Variants in DGKB observed in about 807,000 individuals in gnomAD.
DGKB encodes the protein diacylglycerol kinase beta.
In DGKB, 67 loss-of-function variants were observed where a neutral mutation model predicts 114.3. The observed-to-expected ratio is 0.59, with a 90% confidence interval of 0.48 to 0.72. The LOEUF is 0.72. Ranked by LOEUF, DGKB falls within the 30% of genes least tolerant of loss-of-function variation. The probability of loss-of-function intolerance (pLI) is 0.00; values close to 1 mark genes in which losing one functional copy is unlikely to be tolerated. For synonymous variants in DGKB, 398 were observed against 323.1 expected (o/e 1.23, Z -2.49); for missense variants, 907 against 975.2 (o/e 0.93, Z 0.93).
chr7:14,396,247 G>A (rs1034605060), intron 21 of DGKB, among the ~76,000 whole-genome samples: 3 of 151,906 alleles, frequency 2.0e-5, no homozygotes, highest in African/African-American at 7.3e-5. Flanking sequence ...TTGTTTATTT[G>A]ATACAACAAT....
chr7:14,198,735 C>T (rs777628683), intron 23 of DGKB, among the ~76,000 whole-genome samples: 1 of 151,912 alleles, frequency 6.6e-6, no homozygotes, highest in Non-Finnish European at 1.5e-5. Flanking sequence ...GTACTGGCCA[C>T]AGTGTATCCT....
At chr7:14,478,287 T>C in intron 20 of DGKB, 62 bp from the exon 21 acceptor site, 2 of 930,978 alleles carry the variant, frequency 2.1e-6, no homozygotes, top group East Asian at 2.8e-5. Flanking sequence ...TTTATGAAAA[T>C]GTAGACTAAA....
chr7:14,252,100 T>C (rs776510931), intron 23 of DGKB, among the ~76,000 whole-genome samples: 24 of 152,200 alleles, frequency 1.6e-4, no homozygotes, highest in Non-Finnish European at 2.6e-4. Flanking sequence ...TTTCTCTTGC[T>C]CTACTCATTC....
chr7:14,495,529 T>A (rs1040583747), intron 20 of DGKB, among the ~76,000 whole-genome samples: 4 of 151,382 alleles, frequency 2.6e-5, no homozygotes, highest in African/African-American at 9.7e-5. Context: ...AATTTCAGCA[T>A]TTAAAATCTA....
chr7:14,800,756 C>T (rs530849471), intron 2 of DGKB, among the ~76,000 whole-genome samples: 1 of 152,256 alleles, frequency 6.6e-6, no homozygotes, highest in African/African-American at 2.4e-5. Context: ...ACTTTTCATG[C>T]CTTTGAATCA....
intron 20 of DGKB, among the ~76,000 whole-genome samples, chr7:14,529,228 G>C (rs1379323500): frequency 1.3e-5 from 2 of 151,968 alleles, no homozygotes; most frequent in Admixed American, 1.3e-4. Flanking sequence ...GATGTAGGCT[G>C]AATGTAGAAA....
chr7:14,697,776 G>GAAACAA (rs781493498), intron 8 of DGKB, among the ~76,000 whole-genome samples: 4 of 100,776 alleles, frequency 4.0e-5, no homozygotes, highest in African/African-American at 1.6e-4. Context: ...AAGAAACAAA[G>GAAACAA]AGAAAGAAAG....
chr7:14,369,299 T>A (rs1162496808), intron 21 of DGKB, among the ~76,000 whole-genome samples: 1 of 152,194 alleles, frequency 6.6e-6, no homozygotes, highest in Non-Finnish European at 1.5e-5. Context: ...ATGGGCCATA[T>A]TTTCTTTATC....
chr7:14,380,474 A>G (rs1819258329), intron 21 of DGKB, among the ~76,000 whole-genome samples: 1 of 152,058 alleles, frequency 6.6e-6, no homozygotes, highest in Non-Finnish European at 1.5e-5. Flanking sequence ...TTTTGGCAAA[A>G]GTTCCATTTA....
chr7:14,223,387 G>A (rs1370641188), intron 23 of DGKB, among the ~76,000 whole-genome samples: 1 of 151,426 alleles, frequency 6.6e-6, no homozygotes, highest in East Asian at 1.9e-4. Flanking sequence ...ATATAGAACT[G>A]CTACTCCTAC....
intron 1 of DGKB, among the ~76,000 whole-genome samples, chr7:14,889,367 G>A (rs532700157): frequency 1.3e-4 from 20 of 151,750 alleles, no homozygotes; most frequent in African/African-American, 4.8e-4. Context: ...GGTTGTGTCA[G>A]GACTAAAGGG....
At chr7:14,952,290 A>T (rs1786245273) in intron 1 of DGKB, among the ~76,000 whole-genome samples, 1 of 151,938 alleles carries the variant, frequency 6.6e-6, no homozygotes, top group African/African-American at 2.4e-5. Context: ...TAAGACTATA[A>T]ATCTCTGTTG....
chr7:14,566,232 A>G (rs774624015), intron 20 of DGKB, among the ~76,000 whole-genome samples: 6 of 152,188 alleles, frequency 3.9e-5, no homozygotes, highest in Non-Finnish European at 7.4e-5. Flanking sequence ...GATTTTTAAA[A>G]ACAATTTTAA....
At chr7:14,248,226 C>A (rs1794746669) in intron 23 of DGKB, among the ~76,000 whole-genome samples, 1 of 152,070 alleles carries the variant, frequency 6.6e-6, no homozygotes, top group Admixed American at 6.6e-5. Flanking sequence ...TATGCCAGTA[C>A]TATACTGTTT....
At chr7:14,663,215 G>C (rs1346663783) in intron 13 of DGKB, among the ~76,000 whole-genome samples, 1 of 151,912 alleles carries the variant, frequency 6.6e-6, no homozygotes, top group Non-Finnish European at 1.5e-5. Context: ...TCTTAACAAA[G>C]CTTAGGCTTT....
rs542755047 is a variant in DGKB, at chr7:14,682,736, C to T, written c.918+17G>A. On this transcript the variant is annotated intron_variant, in intron 11 of 25. Transcript: ENST00000402815. ...ATAATGGCCACCTTCAGAAAGCAAG[C>T]ATGCACACAAACTTACATCAGTGTT... is the stretch of plus-strand genomic sequence containing the variant. 1 of 1,610,506 alleles carries T rather than the reference C, an allele frequency of 6.2e-7. No homozygotes were observed. The highest frequency in any genetic ancestry group is 8.5e-7 in the Non-Finnish European group (1 of 1,176,964).
intron 1 of DGKB, among the ~76,000 whole-genome samples, chr7:14,958,659 T>C (rs552065227): frequency 1.3e-5 from 2 of 151,404 alleles, no homozygotes; most frequent in Non-Finnish European, 3.0e-5. Flanking sequence ...CTCTAGCCTG[T>C]TTGTGGCATA....
chr7:14,335,645 C>T (rs1810513598), intron 23 of DGKB, among the ~76,000 whole-genome samples: 1 of 152,136 alleles, frequency 6.6e-6, no homozygotes, highest in African/African-American at 2.4e-5. Context: ...TGGCCATATT[C>T]ATTCTAAAGT....
rs541295845 is a variant in DGKB at position 14,936,185 on chromosome 7, T to A, written c.-188+38511A>T. Among the ~76,000 whole-genome samples, 62 of 152,300 alleles carry A rather than the reference T, an allele frequency of 4.1e-4. No individual in the cohort carries two copies. The Middle Eastern group carries it at 0.01, about 25-fold the overall frequency. ...GCAAAGTGAGGTCACTGGATAGAGA[T>A]TGGACTGTACAAACAAGAACGTAGA... On this transcript the variant is annotated intron_variant, in intron 1 of 4. Coordinates refer to the DGKB transcript ENST00000437998.
Sources: gnomAD v4.1 joint callset for allele counts (sites outside exome capture counted in the v4.1 genomes callset) on GRCh38, gnomAD v4.1.1 for gene constraint, MANE v1.5 for transcripts, NCBI Gene and HGNC (gene_info 2026-07-23, HGNC 2026-07-21) for gene names.